Variants in CNTN5 observed in about 807,000 individuals in gnomAD.
CNTN5 encodes the protein contactin 5, also known as contactin-5.
CNTN5 carries 77 observed loss-of-function variants against 129.1 expected under a neutral mutation model. The ratio of observed to expected loss-of-function variants is 0.60; its 90% CI spans 0.50 to 0.72. CNTN5 has a LOEUF of 0.72. Among genes scored for constraint, CNTN5 ranks in the 30% least tolerant of loss-of-function variants. The pLI is 0.00. For synonymous variants in CNTN5, 509 were observed against 465.6 expected (o/e 1.09, Z -1.20); for missense variants, 1,478 against 1,328.8 (o/e 1.11, Z -1.75).
intron 13 of CNTN5, among the ~76,000 whole-genome samples, chr11:100,125,574 AC>A (rs1487505677): frequency 1.3e-5 from 2 of 152,138 alleles, no homozygotes; most frequent in Non-Finnish European, 2.9e-5. Flanking sequence ...GTTGATGGGC[AC>A]ATAGGTTGAT....
intron 1 of CNTN5, among the ~76,000 whole-genome samples, chr11:99,082,790 G>A (rs933972986): frequency 6.6e-6 from 1 of 152,016 alleles, no homozygotes; most frequent in African/African-American, 2.4e-5. Flanking sequence ...CCATTAAAAT[G>A]TTTCAGAAGA....
At chr11:100,117,472 T>C (rs1379069726) in intron 13 of CNTN5, among the ~76,000 whole-genome samples, 1 of 152,016 alleles carries the variant, frequency 6.6e-6, no homozygotes, top group Non-Finnish European at 1.5e-5. Context: ...GGCCTGATAG[T>C]ATCTGTTGCA....
rs995322446 is a variant in CNTN5, at chr11:100,307,562, G to T, written c.2621-797G>T. On this transcript the variant is annotated intron_variant, in intron 20 of 24. Coordinates refer to ENST00000524871, the MANE Select transcript of CNTN5 (RefSeq NM_014361.4). ...AAGGTCACTGAATGTAGAAACAAATGAAAAGGTGGTTTTGAGCCACGGCAC... is the reference window on the plus strand; with the variant it reads ...AAGGTCACTGAATGTAGAAACAAATTAAAAGGTGGTTTTGAGCCACGGCAC... 3.3e-5 allele frequency among the ~76,000 whole-genome samples: 5 copies of T among 151,526 alleles called. No individual in the cohort carries two copies. The East Asian group carries it at 5.9e-4, about 18-fold the overall frequency.
At chr11:99,947,457 A>C (rs765818379) in intron 7 of CNTN5, among the ~76,000 whole-genome samples, 1 of 152,078 alleles carries the variant, frequency 6.6e-6, no homozygotes, top group Non-Finnish European at 1.5e-5. Context: ...TTCATGGTGC[A>C]TGGCAACGTG....
chr11:99,840,376 A>T (rs1321708857), intron 4 of CNTN5, among the ~76,000 whole-genome samples: 2 of 152,192 alleles, frequency 1.3e-5, no homozygotes, highest in Admixed American at 6.5e-5. Flanking sequence ...ATCTAGTCTC[A>T]TAATAAGAAC....
chr11:99,185,135 G>A (rs1428390408), intron 1 of CNTN5, among the ~76,000 whole-genome samples: 1 of 151,678 alleles, frequency 6.6e-6, no homozygotes, highest in Non-Finnish European at 1.5e-5. Context: ...ATTCAAGAAA[G>A]AAAATATCAA....
chr11:99,382,895 C>G (rs1940682801), intron 2 of CNTN5, among the ~76,000 whole-genome samples: 1 of 105,624 alleles, frequency 9.5e-6, no homozygotes, highest in Non-Finnish European at 1.7e-5. Context: ...CTCGCTCTGT[C>G]TCCCAGGCTG....
intron 3 of CNTN5, among the ~76,000 whole-genome samples, chr11:99,587,625 A>T (rs1949840633): frequency 6.6e-6 from 1 of 152,110 alleles, no homozygotes; most frequent in Non-Finnish European, 1.5e-5. Flanking sequence ...AATTTGAAAG[A>T]TGTGTGTGGG....
chr11:99,911,700 T>C (rs1338054850), intron 6 of CNTN5, among the ~76,000 whole-genome samples: 3 of 150,980 alleles, frequency 2.0e-5, no homozygotes, highest in Non-Finnish European at 4.4e-5. Flanking sequence ...TGGGTACATA[T>C]AGCTCACATT....
chr11:99,751,721 G>T (rs1322452484), intron 3 of CNTN5, among the ~76,000 whole-genome samples: 6 of 152,074 alleles, frequency 3.9e-5, no homozygotes, highest in African/African-American at 1.4e-4. Flanking sequence ...TTTTCTATAA[G>T]CCAAGTTCAG....
At chr11:100,262,790 G>A (rs1302696888) in intron 17 of CNTN5, among the ~76,000 whole-genome samples, 1 of 152,104 alleles carries the variant, frequency 6.6e-6, no homozygotes, top group Non-Finnish European at 1.5e-5. Flanking sequence ...GGCCTGCCAG[G>A]GAGTGGGGTC....
chr11:99,772,155 T>A (rs1944968724), intron 3 of CNTN5, among the ~76,000 whole-genome samples: 1 of 151,428 alleles, frequency 6.6e-6, no homozygotes, highest in Non-Finnish European at 1.5e-5. Context: ...ACTACATCAA[T>A]TACTTCATTT....
chr11:99,637,962 T>G (rs1012672126), intron 3 of CNTN5, among the ~76,000 whole-genome samples: 1 of 152,166 alleles, frequency 6.6e-6, no homozygotes, highest in Non-Finnish European at 1.5e-5. Context: ...TTTTGGTTTA[T>G]AGTCATGCAT....
intron 1 of CNTN5, among the ~76,000 whole-genome samples, chr11:99,166,383 G>C (rs1333244662): frequency 1.5e-5 from 2 of 134,062 alleles, no homozygotes; most frequent in African/African-American, 2.8e-5. Flanking sequence ...CTGGGCCACA[G>C]AGCAAGACTC....
At chr11:99,037,576 C>CTT (rs1161467398) in intron 1 of CNTN5, among the ~76,000 whole-genome samples, 16,281 of 105,356 alleles carry the variant, frequency 0.15, 1,419 homozygotes, top group East Asian at 0.27. Flanking sequence ...TTTTTCTTTT[C>CTT]TTTTTTTTTT....
chr11:99,820,822 A>C (rs983503678), intron 4 of CNTN5, among the ~76,000 whole-genome samples: 2 of 152,262 alleles, frequency 1.3e-5, no homozygotes, highest in African/African-American at 2.4e-5. Flanking sequence ...CATTTCATTT[A>C]TGACTGATGA....
intron 1 of CNTN5, among the ~76,000 whole-genome samples, chr11:99,277,719 C>A (rs959998833): frequency 3.3e-5 from 5 of 151,478 alleles, no homozygotes; most frequent in Admixed American, 1.3e-4. Context: ...AGTTTGGCTT[C>A]TTTGATTTGT....
chr11:99,575,999 A>G (rs1400473537), intron 3 of CNTN5, among the ~76,000 whole-genome samples: 1 of 152,220 alleles, frequency 6.6e-6, no homozygotes, highest in Non-Finnish European at 1.5e-5. Context: ...TGGCCACATC[A>G]CAGCTGCACC....
chr11:100,089,233 G>T (rs375197387), intron 13 of CNTN5, among the ~76,000 whole-genome samples: 4 of 151,940 alleles, frequency 2.6e-5, no homozygotes, highest in Middle Eastern at 3.2e-3. Flanking sequence ...CTGGATGTTA[G>T]ACCTTTATCA....
Sources: allele counts gnomAD v4.1 joint callset (sites outside exome capture counted in the v4.1 genomes callset), GRCh38; gene constraint gnomAD v4.1.1; transcripts MANE v1.5; gene names NCBI Gene and HGNC (gene_info 2026-07-23, HGNC 2026-07-21).